Variants in SHISA9 observed in about 807,000 individuals in gnomAD.
The protein encoded by SHISA9 is protein shisa-9.
A neutral mutation model predicts 38.0 loss-of-function variants in SHISA9; 13 were observed. That is an observed-to-expected ratio of 0.34 (90% CI 0.22 to 0.54). SHISA9 has a LOEUF of 0.54. Among genes scored for constraint, SHISA9 ranks in the 20% least tolerant of loss-of-function variants. The pLI, the probability that SHISA9 is intolerant of heterozygous loss-of-function variation, is 0.91. For synonymous variants in SHISA9, 275 were observed against 242.0 expected, an observed-to-expected ratio of 1.14 and a Z score of -1.27; for missense variants, 538 against 575.8, an observed-to-expected ratio of 0.93 and a Z score of 0.67.
chr16:13,354,551 A>C, the SHISA9 span, among the ~76,000 whole-genome samples: 1 of 150,314 alleles, frequency 6.7e-6, no homozygotes, highest in African/African-American at 2.4e-5. Flanking sequence ...ATCAGGTATG[A>C]GAACGAAAAT....
intron 2 of SHISA9, among the ~76,000 whole-genome samples, chr16:12,978,562 A>G (rs919627878): frequency 2.0e-5 from 3 of 152,200 alleles, no homozygotes; most frequent in African/African-American, 7.2e-5. Flanking sequence ...ATAAACAACA[A>G]TTAAGGACAT....
chr16:13,325,566 A>T, the SHISA9 span, among the ~76,000 whole-genome samples: 1 of 152,210 alleles, frequency 6.6e-6, no homozygotes, highest in African/African-American at 2.4e-5. Flanking sequence ...TGGTTCATGC[A>T]GTTATGCCGA....
the SHISA9 span, among the ~76,000 whole-genome samples, chr16:13,338,956 A>G: frequency 6.6e-6 from 1 of 152,174 alleles, no homozygotes; most frequent in Non-Finnish European, 1.5e-5. Flanking sequence ...TGTATAATTC[A>G]TGGCCTCTTG....
chr16:13,546,989 G>C, the SHISA9 span, among the ~76,000 whole-genome samples: 1 of 152,068 alleles, frequency 6.6e-6, no homozygotes, highest in Non-Finnish European at 1.5e-5. Flanking sequence ...TCCTCACCCT[G>C]GGCCAACATT....
At chr16:13,348,497 C>G in the SHISA9 span, among the ~76,000 whole-genome samples, 1 of 151,870 alleles carries the variant, frequency 6.6e-6, no homozygotes, top group East Asian at 2.0e-4. Context: ...GAGAGGTACC[C>G]TGGTTGAGTA....
Position 12,932,568 on chromosome 16 carries a change from C to G in SHISA9, c.691+15753C>G, listed in dbSNP as rs1012252050. 2.0e-5 allele frequency among the ~76,000 whole-genome samples: 3 copies of G among 152,124 alleles called. No homozygotes were observed. The East Asian group carries it at 5.8e-4, about 29-fold the overall frequency. On this transcript the variant is annotated intron_variant, in intron 2 of 4. Transcript: ENST00000558583. The stretch of plus-strand genomic sequence containing the variant: ...GTTGGCCAGGCTGGTCTCGAGAACT[C>G]CTGACCTCAGGTGATCTGCCCATCT...
chr16:13,366,409 T>G, the SHISA9 span, among the ~76,000 whole-genome samples: 1 of 152,232 alleles, frequency 6.6e-6, no homozygotes, highest in East Asian at 1.9e-4. Context: ...AACTTTATTG[T>G]GCATACAGAT....
Position 13,235,661 on chromosome 16 carries a change from A to G in SHISA9, c.*252A>G, listed in dbSNP as rs2051376685. The stretch of plus-strand genomic sequence containing the variant: ...TACAGCAAAGGGGAAAATGAGGCAC[A>G]CTCTTTCCACTTCAGGCCCAAGATG... On this transcript the variant is annotated 3_prime_UTR_variant, in exon 5 of 5. Coordinates refer to ENST00000558583, the MANE Select transcript of SHISA9 (RefSeq NM_001145204.3). 5 of 464,782 alleles carry G rather than the reference A, an allele frequency of 1.1e-5. No homozygotes were observed. Among genetic ancestry groups the G allele is most frequent in the Non-Finnish European group, 1.5e-5 (4 of 266,740 alleles). The allele number at this position is 464,782 out of a possible 1,614,324, so 28.8% of individuals were successfully genotyped here.
At chr16:13,421,390 A>T in the SHISA9 span, among the ~76,000 whole-genome samples, 1 of 152,214 alleles carries the variant, frequency 6.6e-6, no homozygotes, top group Admixed American at 6.5e-5. Flanking sequence ...GGTGAAAGGC[A>T]CTTCTTACAT....
At chr16:13,286,767 CA>C in the SHISA9 span, among the ~76,000 whole-genome samples, 14 of 152,124 alleles carry the variant, frequency 9.2e-5, no homozygotes, top group Non-Finnish European at 1.9e-4. Context: ...ATGAAGTTAG[CA>C]TAAGCCCAAA....
chr16:13,170,647 A>T (rs1180117749), intron 2 of SHISA9, among the ~76,000 whole-genome samples: 2 of 152,040 alleles, frequency 1.3e-5, no homozygotes, highest in East Asian at 3.9e-4. Context: ...TTCAAATAAA[A>T]GTTTGTTTGT....
chr16:13,042,746 G>C (rs1344074600), intron 2 of SHISA9, among the ~76,000 whole-genome samples: 1 of 152,074 alleles, frequency 6.6e-6, no homozygotes, highest in Non-Finnish European at 1.5e-5. Context: ...ATCTTTTTAA[G>C]TTTCCTTTTT....
At chr16:13,233,628 G>C (rs1003223227) in intron 4 of SHISA9, among the ~76,000 whole-genome samples, 4 of 152,176 alleles carry the variant, frequency 2.6e-5, no homozygotes, top group African/African-American at 9.7e-5. Context: ...AATGGGCATG[G>C]TTTTGTGTCC....
the SHISA9 span, among the ~76,000 whole-genome samples, chr16:13,430,255 T>A: frequency 6.6e-6 from 1 of 152,232 alleles, no homozygotes; most frequent in Non-Finnish European, 1.5e-5. Flanking sequence ...AATACAGTCC[T>A]TAATAATCTA....
intron 3 of SHISA9, among the ~76,000 whole-genome samples, chr16:13,210,421 C>T (rs535683273): frequency 2.6e-5 from 4 of 152,184 alleles, no homozygotes; most frequent in South Asian, 4.2e-4. Flanking sequence ...TGCGTCACTT[C>T]ATTTCTAATT....
chr16:13,231,876 A>C (rs1324788260), intron 4 of SHISA9, among the ~76,000 whole-genome samples: 1 of 152,168 alleles, frequency 6.6e-6, no homozygotes, highest in African/African-American at 2.4e-5. Flanking sequence ...TGTAGGTTCT[A>C]CTCTGGCTCA....
At chr16:13,195,939 T>C (rs2142045546) in intron 2 of SHISA9, among the ~76,000 whole-genome samples, 1 of 151,028 alleles carries the variant, frequency 6.6e-6, no homozygotes, top group Middle Eastern at 3.4e-3. Flanking sequence ...AATAAAAAAA[T>C]TAGCCAGGTG....
chr16:13,466,611 A>G, the SHISA9 span, among the ~76,000 whole-genome samples: 2,906 of 152,340 alleles, frequency 0.019, 96 homozygotes, highest in African/African-American at 0.066. Flanking sequence ...AATGTCAGCT[A>G]CAGCCACATG....
intron 2 of SHISA9, among the ~76,000 whole-genome samples, chr16:13,057,081 C>T (rs896765016): frequency 5.3e-5 from 8 of 152,316 alleles, no homozygotes; most frequent in African/African-American, 1.4e-4. Context: ...GAATGGGCCT[C>T]GGTGCTATAG....
Sources: allele counts gnomAD v4.1 joint callset (sites outside exome capture counted in the v4.1 genomes callset), GRCh38; gene constraint gnomAD v4.1.1; transcripts MANE v1.5; gene names NCBI Gene and HGNC (gene_info 2026-07-23, HGNC 2026-07-21).